The following SESTD1 variants were observed in gnomAD, a reference collection of about 807,000 sequenced individuals.
The protein encoded by SESTD1 is SEC14 domain and spectrin repeat-containing protein 1.
SESTD1 carries 43 observed loss-of-function variants against 101.7 expected under a neutral mutation model. The observed-to-expected ratio is 0.42, with a 90% CI of 0.33 to 0.55. SESTD1 has a LOEUF of 0.55. Ranked by LOEUF, SESTD1 falls within the 20% of genes least tolerant of loss-of-function variation. SESTD1 has a pLI of 0.07. For missense variants in SESTD1, 647 were observed against 815.1 expected, an observed-to-expected ratio of 0.79 and a Z score of 2.51; for synonymous variants, 283 against 286.8, an observed-to-expected ratio of 0.99 and a Z score of 0.13.
chr2:179,131,544 A>C (rs2045013599), intron 10 of SESTD1, among the ~76,000 whole-genome samples: 1 of 152,112 alleles, frequency 6.6e-6, no homozygotes, highest in South Asian at 2.1e-4. Flanking sequence ...TTATTTTTCC[A>C]ATTTTGTATT....
chr2:179,120,161 G>C (rs2044716854), intron 13 of SESTD1, among the ~76,000 whole-genome samples: 1 of 151,966 alleles, frequency 6.6e-6, no homozygotes, highest in African/African-American at 2.4e-5. Context: ...CCCAGGAGGT[G>C]GATGTTGCAG....
chr2:179,228,370 T>C (rs927790744), intron 1 of SESTD1, among the ~76,000 whole-genome samples: 2 of 152,242 alleles, frequency 1.3e-5, no homozygotes, highest in South Asian at 2.1e-4. Flanking sequence ...TTAACAAATA[T>C]GTCCATGTGT....
intron 1 of SESTD1, among the ~76,000 whole-genome samples, chr2:179,241,826 G>T (rs1039087264): frequency 1.3e-5 from 2 of 151,936 alleles, no homozygotes; most frequent in Non-Finnish European, 2.9e-5. Flanking sequence ...AGAGGCTGAG[G>T]CAGGAGAATG....
At chr2:179,152,196 G>C (rs1038973333) in intron 5 of SESTD1, among the ~76,000 whole-genome samples, 1 of 152,094 alleles carries the variant, frequency 6.6e-6, no homozygotes, top group Non-Finnish European at 1.5e-5. Flanking sequence ...GAGCATCATT[G>C]CCACTCTCAC....
At position 179,107,819 on chromosome 2, in the gene SESTD1, C is replaced by G. The variant is rs958331562; in HGVS notation, c.*2080G>C. On this transcript the variant is annotated 3_prime_UTR_variant, in exon 18 of 18. Coordinates refer to ENST00000428443, the MANE Select transcript of SESTD1 (RefSeq NM_178123.5). ...GCTTACTGGGTACAGACATAAACAA[C>G]TGTAGAATGTGATAGCACCATCATG... 2.6e-5 allele frequency: 4 copies of G among 152,070 alleles called. No homozygotes were observed. Among genetic ancestry groups the G allele is most frequent in the Non-Finnish European group, 5.9e-5 (4 of 68,002 alleles). 9.4% of individuals were successfully genotyped at this position (152,070 alleles called of 1,614,324 possible).
intron 1 of SESTD1, among the ~76,000 whole-genome samples, chr2:179,246,605 T>G (rs2047235242): frequency 6.6e-6 from 1 of 152,122 alleles, no homozygotes; most frequent in Non-Finnish European, 1.5e-5. Flanking sequence ...TAATCAACAT[T>G]TATAAAACAG....
rs189180216 is a variant in SESTD1, at chr2:179,204,345, C to T, written c.-25-12479G>A. On this transcript the variant is annotated intron_variant, in intron 1 of 17. Coordinates refer to ENST00000428443, the MANE Select transcript of SESTD1 (RefSeq NM_178123.5). ...CCCCACCAGACATTATAACCCACACCCTATAGCTTAACAATGTAGAGCCAA... is the reference window on the plus strand; with the variant it reads ...CCCCACCAGACATTATAACCCACACTCTATAGCTTAACAATGTAGAGCCAA... 1.6e-4 allele frequency among the ~76,000 whole-genome samples: 21 copies of T among 133,782 alleles called. 6 individuals carry two copies. Among genetic ancestry groups the T allele is most frequent in the African/African-American group, 6.2e-4 (21 of 33,724 alleles). 87.8% of individuals were successfully genotyped at this position (133,782 alleles called of 152,430 possible). A position where few individuals can be genotyped will look rare whatever the true frequency, so the allele number is the denominator to read the frequency against.
Position 179,215,999 on chromosome 2 carries a change from A to AG in SESTD1, c.-25-24134dup, listed in dbSNP as rs913932008. On this transcript the variant is annotated intron_variant, in intron 1 of 17. Coordinates refer to ENST00000428443, the MANE Select transcript of SESTD1 (RefSeq NM_178123.5). The stretch of plus-strand genomic sequence containing the variant: ...TGATGAAACATAACTCAAAATAGTA[A>AG]GAACTATATGACAAATGCACAGCCA... 5.9e-5 allele frequency among the ~76,000 whole-genome samples: 8 copies of AG among 135,286 alleles called. 1 individual carries two copies. Among genetic ancestry groups the AG allele is most frequent in the Non-Finnish European group, 1.3e-4 (8 of 62,858 alleles). 88.8% of individuals were successfully genotyped at this position (135,286 alleles called of 152,430 possible). A position where few individuals can be genotyped will look rare whatever the true frequency, so the allele number is the denominator to read the frequency against.
At chr2:179,240,863 T>A (rs1489401816) in intron 1 of SESTD1, among the ~76,000 whole-genome samples, 1 of 152,022 alleles carries the variant, frequency 6.6e-6, no homozygotes, top group Non-Finnish European at 1.5e-5. Context: ...GTTGTGTGAG[T>A]GGAGCCCAGT....
At chr2:179,243,822 TG>T (rs893705435) in intron 1 of SESTD1, among the ~76,000 whole-genome samples, 3 of 151,904 alleles carry the variant, frequency 2.0e-5, no homozygotes, top group African/African-American at 7.3e-5. Context: ...ACTACCTGGG[TG>T]ACAGGACCAT....
At chr2:179,237,499 G>T (rs2047086123) in intron 1 of SESTD1, among the ~76,000 whole-genome samples, 1 of 152,148 alleles carries the variant, frequency 6.6e-6, no homozygotes, top group African/African-American at 2.4e-5. Flanking sequence ...CAGGCACTGA[G>T]CCAGTTTTTA....
rs1339619204 is a variant in SESTD1 at position 179,104,985 on chromosome 2, T to C, written c.*4914A>G. ...TAATGTTGAGTCATATTAAGTGTCATACCCATGAACTTTTTTCAGTCTTAA... is the reference window on the plus strand; with the variant it reads ...TAATGTTGAGTCATATTAAGTGTCACACCCATGAACTTTTTTCAGTCTTAA... On this transcript the variant is annotated 3_prime_UTR_variant, in exon 18 of 18. Transcript: ENST00000428443. The C allele has an allele frequency of 3.3e-5, 5 of 152,208 alleles. No homozygotes were observed. The highest frequency in any genetic ancestry group is 6.5e-5 in the Admixed American group (1 of 15,270). The allele number at this position is 152,208 out of a possible 1,614,324, so 9.4% of individuals were successfully genotyped here.
chr2:179,260,284 C>T (rs1240908309), intron 1 of SESTD1, among the ~76,000 whole-genome samples: 1 of 152,118 alleles, frequency 6.6e-6, no homozygotes, highest in South Asian at 2.1e-4. Context: ...AGAAGGCCAA[C>T]GTAGGCAGAT....
At chr2:179,122,045 G>T in intron 12 of SESTD1, 116 bp from the exon 13 acceptor site, 1 of 911,172 alleles carries the variant, frequency 1.1e-6, no homozygotes, top group Non-Finnish European at 1.5e-6. Context: ...GCTTTGTACA[G>T]TAAACCACCT....
At chr2:179,145,598 T>C (rs548412763) in intron 8 of SESTD1, among the ~76,000 whole-genome samples, 2 of 152,350 alleles carry the variant, frequency 1.3e-5, no homozygotes, top group African/African-American at 4.8e-5. Context: ...CTACTAGAGA[T>C]ATTTGGGTTG....
intron 1 of SESTD1, among the ~76,000 whole-genome samples, chr2:179,254,209 GACAA>G (rs2047359253): frequency 6.6e-6 from 1 of 151,878 alleles, no homozygotes; most frequent in African/African-American, 2.4e-5. Flanking sequence ...ACTGAACTAA[GACAA>G]AGACTATGGA....
At chr2:179,251,035 C>T (rs948281998) in intron 1 of SESTD1, among the ~76,000 whole-genome samples, 10 of 152,252 alleles carry the variant, frequency 6.6e-5, no homozygotes, top group Middle Eastern at 3.4e-3. Context: ...AGATATCCTT[C>T]AATGGGTGAA....
intron 1 of SESTD1, among the ~76,000 whole-genome samples, chr2:179,222,577 T>C (rs966533022): frequency 9.9e-5 from 15 of 152,216 alleles, no homozygotes; most frequent in African/African-American, 3.6e-4. Flanking sequence ...CCTGATACTT[T>C]TTTATATTCC....
intron 1 of SESTD1, among the ~76,000 whole-genome samples, chr2:179,219,363 G>A (rs1157167764): frequency 6.6e-6 from 1 of 152,174 alleles, no homozygotes; most frequent in Non-Finnish European, 1.5e-5. Flanking sequence ...ATTCTTCAAG[G>A]AGCATTTCTT....
Sources: allele counts gnomAD v4.1 joint callset (sites outside exome capture counted in the v4.1 genomes callset), GRCh38; gene constraint gnomAD v4.1.1; transcripts MANE v1.5; gene names NCBI Gene and HGNC (gene_info 2026-07-23, HGNC 2026-07-21).